KIR3DL3: variants seen among roughly 807,000 people sequenced by gnomAD.
KIR3DL3 encodes the protein killer cell immunoglobulin like receptor, three Ig domains and long cytoplasmic tail 3, also known as killer cell immunoglobulin-like receptor 3DL3.
In KIR3DL3, 27 loss-of-function variants were observed where a neutral mutation model predicts 34.9. That is an observed-to-expected ratio of 0.77 (90% CI 0.57 to 1.07). The LOEUF (loss-of-function observed/expected upper bound fraction) is 1.07, where lower values mean the gene tolerates loss of function less well. Ranked by LOEUF, KIR3DL3 falls within the 50% of genes least tolerant of loss-of-function variation. The pLI is 0.00. For missense variants in KIR3DL3, 681 were observed against 528.5 expected (o/e 1.29, Z -2.83); for synonymous variants, 217 against 200.2 (o/e 1.08, Z -0.71).
Position 54,736,358 on chromosome 19 carries a change from C to A in KIR3DL3, c.*262C>A. ...CCCACTGCCTGCTGGAGAGAAAACA[C>A]ACTTGCTTAGCCCACAATTCTCCAT... is the stretch of plus-strand genomic sequence containing the variant. On this transcript the variant is annotated 3_prime_UTR_variant, in exon 8 of 8. Transcript: ENST00000291860. 1 of 530,520 alleles carries A rather than the reference C, an allele frequency of 1.9e-6. No individual in the cohort carries two copies. Among genetic ancestry groups the A allele is most frequent in the Non-Finnish European group, 3.3e-6 (1 of 301,716 alleles). 32.9% of individuals were successfully genotyped at this position (530,520 alleles called of 1,614,324 possible).
chr19:54,725,605 G>A (rs1345306359), intron 2 of KIR3DL3, among the ~76,000 whole-genome samples: 2 of 152,118 alleles, frequency 1.3e-5, no homozygotes, highest in Non-Finnish European at 2.9e-5. Context: ...AGGCCTCTGA[G>A]GACAAGAGCA....
In KIR3DL3 at chr19:54,736,220, C is replaced by G; in HGVS notation, c.*124C>G. On this transcript the variant is annotated 3_prime_UTR_variant, in exon 8 of 8. Transcript: ENST00000291860. ...CTGTCTCAAAACCGGGTTGCCAGCT[C>G]CCATGTACCAGCAGCTGGACTCTGA... 1.5e-6 allele frequency: 2 copies of G among 1,328,770 alleles called. No individual in the cohort carries two copies. The highest frequency in any genetic ancestry group is 2.4e-5 in the South Asian group (2 of 83,844). The allele number at this position is 1,328,770 out of a possible 1,614,324, so 82.3% of individuals were successfully genotyped here.
chr19:54,729,806 G>C lies in KIR3DL3; in HGVS notation c.949+20G>C. ...TCACAGGTGAGAAAACACCATGCCT[G>C]TCCCATGTCTTGTGATCCTAGAGCC... On this transcript the variant is annotated intron_variant, in intron 5 of 7. Transcript: ENST00000291860. 2 of 1,588,678 alleles carry C rather than the reference G, an allele frequency of 1.3e-6. No individual in the cohort carries two copies. The highest frequency in any genetic ancestry group is 1.1e-5 in the South Asian group (1 of 88,490).
In KIR3DL3 at chr19:54,727,653, T is replaced by A; in HGVS notation, c.398T>A (p.Leu133Gln). The change falls in exon 4 of 8, where the codon CTG (leucine) becomes CAG (glutamine). Residue 133 changes from leucine to glutamine, a missense_variant. By Grantham distance (113) the Leu-to-Gln change is moderately radical. Coordinates refer to ENST00000291860, the MANE Select transcript of KIR3DL3 (RefSeq NM_153443.5). ...KPSLLAHPGP[L>Q]VKSGETVILQ... ...TCCCTCCTGGCCCACCCAGGTCCCC[T>A]GGTGAAATCAGGAGAGACGGTCATC... 1 of 1,611,842 alleles carries A rather than the reference T, an allele frequency of 6.2e-7. No individual in the cohort carries two copies. The highest frequency in any genetic ancestry group is 8.5e-7 in the Non-Finnish European group (1 of 1,179,380).
chr19:54,729,133 G>A (rs1329632516), intron 4 of KIR3DL3, among the ~76,000 whole-genome samples: 2 of 148,236 alleles, frequency 1.3e-5, no homozygotes, highest in African/African-American at 2.5e-5. Context: ...ATAGATAAAT[G>A]ATAGATCGAT....
Position 54,727,622 on chromosome 19 carries a change from A to C in KIR3DL3, c.367A>C (p.Lys123Gln). The C allele has an allele frequency of 6.2e-7, 1 of 1,610,578 alleles. No individual in the cohort carries two copies. The highest frequency in any genetic ancestry group is 8.5e-7 in the Non-Finnish European group (1 of 1,179,032). The part of the protein sequence containing the change: ...VVIMVTGVHR[K>Q]PSLLAHPGPL... The stretch of plus-strand genomic sequence containing the variant: ...ACCTCTCTTCTTAGGAGTCCACAGA[A>C]AACCTTCCCTCCTGGCCCACCCAGG... The change falls in exon 4 of 8, where the codon AAA (lysine) becomes CAA (glutamine). Residue 123 changes from lysine (K) to glutamine (Q), a missense_variant. Coordinates refer to ENST00000291860, the MANE Select transcript of KIR3DL3 (RefSeq NM_153443.5).
At position 54,735,343 on chromosome 19, in the gene KIR3DL3, G is replaced by T; in HGVS notation, c.1040G>T (p.Cys347Phe). The T allele has an allele frequency of 7.1e-7, 1 of 1,414,838 alleles. No homozygotes were observed. 87.6% of individuals were successfully genotyped at this position (1,414,838 alleles called of 1,614,324 possible). Residue 347 changes from cysteine to phenylalanine, a missense_variant, in exon 6 of 8, where the codon TGT (cysteine) becomes TTT (phenylalanine). Coordinates refer to ENST00000291860, the MANE Select transcript of KIR3DL3 (RefSeq NM_153443.5). The stretch of plus-strand genomic sequence containing the variant: ...CTCTTCTTTCTCCTTCATCGCTGGT[G>T]TGCCAACAAAAAGAGTAAGTCTCAC... Reference protein sequence around the residue: ...ILLFFLLHRWCANKKNAVVMD... With the variant: ...ILLFFLLHRWFANKKNAVVMD...
At chr19:54,726,997 G>A (rs71365489) in intron 3 of KIR3DL3, among the ~76,000 whole-genome samples, 57,301 of 94,224 alleles carry the variant, frequency 0.61, 18,275 homozygotes, top group Middle Eastern at 0.68. Flanking sequence ...GTGAAGCACA[G>A]GTTAAGAAAC....
At chr19:54,732,367 C>T (rs1420732992) in intron 5 of KIR3DL3, among the ~76,000 whole-genome samples, 1 of 151,676 alleles carries the variant, frequency 6.6e-6, no homozygotes, top group Non-Finnish European at 1.5e-5. Flanking sequence ...TCTCCTGCCT[C>T]AGCCTACCGA....
intron 4 of KIR3DL3, 141 bp from the exon 5 acceptor site, chr19:54,729,352 T>G: frequency 1.0e-6 from 1 of 983,654 alleles, no homozygotes; most frequent in Non-Finnish European, 1.5e-6. Flanking sequence ...GAAATAGACA[T>G]GAAGAGAGAT....
At position 54,727,750 on chromosome 19, in the gene KIR3DL3, G is replaced by A. The variant is rs1216871320; in HGVS notation, c.495G>A (p.Leu165=). 4 of 1,613,050 alleles carry A rather than the reference G, an allele frequency of 2.5e-6. No individual in the cohort carries two copies. The highest frequency in any genetic ancestry group is 3.4e-6 in the Non-Finnish European group (4 of 1,179,776). ...LHREGITEDP[L]RLVGQLHDAG... is the part of the protein sequence containing the mutation. ...GAGAGGGGATCACTGAGGACCCCTT[G>A]CGCCTCGTTGGACAGCTCCACGATG... The change falls in exon 4 of 8, where the codon TTG becomes TTA. Residue 165 remains leucine, a synonymous_variant. Transcript: ENST00000291860.
At chr19:54,731,458 C>T (rs1390225166) in intron 5 of KIR3DL3, among the ~76,000 whole-genome samples, 2 of 151,444 alleles carry the variant, frequency 1.3e-5, no homozygotes, top group Non-Finnish European at 2.9e-5. Flanking sequence ...TTTATGCACA[C>T]GACACTTCCA....
In KIR3DL3 at chr19:54,729,559, C is replaced by T; in HGVS notation, c.722C>T (p.Thr241Ile). The change falls in exon 5 of 8, where the codon ACC becomes ATC. Residue 241 changes from threonine (T) to isoleucine (I), a missense_variant. Physicochemically the swap from Thr to Ile is moderately conservative, Grantham distance 89 (BLOSUM62 -1). Transcript: ENST00000291860. ...GPTVQAGENV[T>I]LSCSSRSLFD... ...ACGGTTCAGGCAGGAGAGAATGTGA[C>T]CTTGTCCTGCAGCTCCCGGAGCTTG... 1.2e-6 allele frequency: 2 copies of T among 1,607,366 alleles called. No homozygotes were observed. Among genetic ancestry groups the T allele is most frequent in the Non-Finnish European group, 1.7e-6 (2 of 1,178,552 alleles).
In KIR3DL3 at chr19:54,736,415, A is replaced by T; in HGVS notation, c.*319A>T. ...TGACCCCTGCCCACCTCTCCAACCT[A>T]ACTGGCTTACTTCCTAGTCTACTTG... On this transcript the variant is annotated 3_prime_UTR_variant, in exon 8 of 8. Coordinates refer to ENST00000291860, the MANE Select transcript of KIR3DL3 (RefSeq NM_153443.5). 1 of 446,826 alleles carries T rather than the reference A, an allele frequency of 2.2e-6. No individual in the cohort carries two copies. Among genetic ancestry groups the T allele is most frequent in the Non-Finnish European group, 4.0e-6 (1 of 249,272 alleles). 27.7% of individuals were successfully genotyped at this position (446,826 alleles called of 1,614,324 possible).
At chr19:54,725,162 AGAGGTGGAGATATGGGC>A (rs2068027890) in intron 1 of KIR3DL3, 68 bp from the exon 2 acceptor site, 1 of 121,932 alleles carries the variant, frequency 8.2e-6, no homozygotes, top group African/African-American at 1.7e-4. Context: ...ATATGGGCCT[AGAGGTGGAGATATGGGC>A]CTGGAGTGGA....
chr19:54,727,902 T>C lies in KIR3DL3; in HGVS notation c.647T>C (p.Val216Ala), dbSNP rs1436082682. Residue 216 changes from valine (V) to alanine (A), a missense_variant, in exon 4 of 8, where the codon GTG (valine) becomes GCG (alanine). Physicochemically the swap from Val to Ala is moderately conservative, Grantham distance 64. Coordinates refer to ENST00000291860, the MANE Select transcript of KIR3DL3 (RefSeq NM_153443.5). ...GCTCCCAGTGACCCTCTGGACATCG[T>C]GGTCGTAGGTGAGAGAATACAGACC... ...LSAPSDPLDI[V>A]VVGLYGKPSL... The C allele has an allele frequency of 2.9e-5, 46 of 1,608,370 alleles. No individual in the cohort carries two copies. Among genetic ancestry groups the C allele is most frequent in the African/African-American group, 2.4e-4 (18 of 74,800 alleles).
rs2068349460 is a variant in KIR3DL3, at chr19:54,727,718, C to CT, written c.464dup (p.His156AlafsTer7). The CT allele has an allele frequency of 6.2e-7, 1 of 1,613,170 alleles. No homozygotes were observed. Among genetic ancestry groups the CT allele is most frequent in the Non-Finnish European group, 8.5e-7 (1 of 1,179,794 alleles). ...AGATGTCAGGTTTGAGCGCTTCCTT[C>CT]TGCACAGAGAGGGGATCACTGAGGA... On this transcript the variant is annotated frameshift_variant, in exon 4 of 8. Coordinates refer to ENST00000291860, the MANE Select transcript of KIR3DL3 (RefSeq NM_153443.5). LOFTEE classifies it high-confidence loss of function.
chr19:54,733,632 T>C (rs1029020606), intron 5 of KIR3DL3, among the ~76,000 whole-genome samples: 18 of 152,244 alleles, frequency 1.2e-4, no homozygotes, highest in African/African-American at 4.3e-4. Context: ...TGACCCTTTA[T>C]CTTATCCATT....
At chr19:54,729,374 G>A in intron 4 of KIR3DL3, 119 bp from the exon 5 acceptor site, 2 of 1,157,586 alleles carry the variant, frequency 1.7e-6, no homozygotes, top group South Asian at 1.6e-5. Context: ...GGGGTGGAGG[G>A]TGAGAGAGAG....
Sources: allele counts gnomAD v4.1 joint callset (sites outside exome capture counted in the v4.1 genomes callset), GRCh38; gene constraint gnomAD v4.1.1; transcripts MANE v1.5; gene names NCBI Gene and HGNC (gene_info 2026-07-23, HGNC 2026-07-21).